CALD1: variants seen among roughly 807,000 people sequenced by gnomAD.
CALD1 encodes the protein caldesmon 1, also known as caldesmon.
CALD1 carries 33 observed loss-of-function variants against 99.9 expected under a neutral mutation model. The ratio of observed to expected loss-of-function variants is 0.33; its 90% confidence interval spans 0.25 to 0.44. The LOEUF is 0.44. Ranked by LOEUF, CALD1 falls within the 20% of genes least tolerant of loss-of-function variation. The pLI, the probability that CALD1 is intolerant of heterozygous loss-of-function variation, is 1.00. For synonymous variants in CALD1, 310 were observed against 325.0 expected, an observed-to-expected ratio of 0.95 and a Z score of 0.50; for missense variants, 861 against 962.1, an observed-to-expected ratio of 0.89 and a Z score of 1.39.
chr7:134,854,037 T>C (rs1220222621), intron 2 of CALD1, among the ~76,000 whole-genome samples: 3 of 152,208 alleles, frequency 2.0e-5, no homozygotes, highest in Non-Finnish European at 2.9e-5. Flanking sequence ...GCAGAGGACA[T>C]GAACTCATCC....
intron 11 of CALD1, among the ~76,000 whole-genome samples, chr7:134,958,872 A>AAT (rs58837080): frequency 0.031 from 3,812 of 124,324 alleles, 60 homozygotes; most frequent in African/African-American, 0.041. Flanking sequence ...CTGGTATTTA[A>AAT]ATATATATAT....
chr7:134,742,698 T>C (rs1435689463), upstream of CALD1, among the ~76,000 whole-genome samples: 1 of 152,240 alleles, frequency 6.6e-6, no homozygotes, highest in Non-Finnish European at 1.5e-5. Flanking sequence ...TCTGCCCTTC[T>C]TACCAGTATC....
chr7:134,955,521 T>G (rs1262519877), intron 9 of CALD1, among the ~76,000 whole-genome samples: 1 of 152,224 alleles, frequency 6.6e-6, no homozygotes. Flanking sequence ...AAAATCAAGG[T>G]GCAAGCAGAT....
At chr7:134,711,658 CTCTA>C in the CALD1 span, among the ~76,000 whole-genome samples, 13 of 66,948 alleles carry the variant, frequency 1.9e-4, no homozygotes, top group South Asian at 5.4e-4. Context: ...CTCTCTCTCT[CTCTA>C]TATATATATA....
intron 3 of CALD1, among the ~76,000 whole-genome samples, chr7:134,883,914 C>T (rs1801724919): frequency 6.6e-6 from 1 of 152,138 alleles, no homozygotes; most frequent in South Asian, 2.1e-4. Context: ...TTGAGACCAG[C>T]CTGACCAACA....
the CALD1 span, among the ~76,000 whole-genome samples, chr7:134,725,747 A>T: frequency 6.6e-6 from 1 of 152,250 alleles, no homozygotes; most frequent in Admixed American, 6.5e-5. Flanking sequence ...TCTTGACATG[A>T]GAATAACATC....
chr7:134,931,674 T>A (rs934743620), intron 4 of CALD1, among the ~76,000 whole-genome samples: 10 of 152,228 alleles, frequency 6.6e-5, no homozygotes, highest in Admixed American at 2.0e-4. Flanking sequence ...ACTGGTTGTT[T>A]CCTGCAAATA....
chr7:134,874,083 T>G (rs1801232020), intron 3 of CALD1, among the ~76,000 whole-genome samples: 1 of 152,224 alleles, frequency 6.6e-6, no homozygotes, highest in South Asian at 2.1e-4. Flanking sequence ...AAGGACTGTG[T>G]TGTCTCAGCT....
chr7:134,844,942 G>A (rs909013598), intron 2 of CALD1, among the ~76,000 whole-genome samples: 5 of 152,096 alleles, frequency 3.3e-5, no homozygotes, highest in African/African-American at 7.2e-5. Context: ...CTCCAAATGC[G>A]GTTACATTCT....
intron 8 of CALD1, 161 bp downstream of exon 8, chr7:134,947,930 C>G (rs542055837): frequency 3.6e-6 from 3 of 832,002 alleles, no homozygotes; most frequent in Admixed American, 5.8e-5. Flanking sequence ...ATTAATTTGT[C>G]CACTGCTTCT....
chr7:134,803,099 G>A (rs1436403151), intron 1 of CALD1, among the ~76,000 whole-genome samples: 1 of 152,062 alleles, frequency 6.6e-6, no homozygotes, highest in African/African-American at 2.4e-5. Flanking sequence ...TTGTTTAGTG[G>A]TATCTCATTG....
chr7:134,735,470 AGT>A, the CALD1 span, among the ~76,000 whole-genome samples: 2 of 151,976 alleles, frequency 1.3e-5, no homozygotes, highest in African/African-American at 4.8e-5. Flanking sequence ...CAATCTGGTG[AGT>A]GTGTGTGTAT....
chr7:134,859,820 A>C (rs551115010), intron 2 of CALD1, among the ~76,000 whole-genome samples: 1 of 152,336 alleles, frequency 6.6e-6, no homozygotes, highest in Admixed American at 6.5e-5. Flanking sequence ...TGTCTTCCTA[A>C]GTGTTGAAGT....
At chr7:134,784,397 C>G (rs1797227336) in intron 1 of CALD1, among the ~76,000 whole-genome samples, 3 of 152,162 alleles carry the variant, frequency 2.0e-5, no homozygotes, top group Non-Finnish European at 4.4e-5. Flanking sequence ...GGCAAAGTGC[C>G]CAAGAGGGCC....
upstream of CALD1, among the ~76,000 whole-genome samples, chr7:134,777,808 C>A (rs747773609): frequency 7.9e-5 from 12 of 152,204 alleles, no homozygotes; most frequent in Admixed American, 1.3e-4. Flanking sequence ...TCAAGCCCAG[C>A]AGTTTACCAG....
intron 1 of CALD1, among the ~76,000 whole-genome samples, chr7:134,824,853 A>G (rs1178834200): frequency 6.6e-6 from 1 of 152,174 alleles, no homozygotes; most frequent in Non-Finnish European, 1.5e-5. Context: ...CTGTTAAAGA[A>G]TATTAGAACT....
chr7:134,888,709 C>T (rs1801997883), intron 3 of CALD1, among the ~76,000 whole-genome samples: 1 of 152,340 alleles, frequency 6.6e-6, no homozygotes, highest in African/African-American at 2.4e-5. Context: ...TGTCAGTACC[C>T]TACCAGGTAG....
chr7:134,750,761 T>TC (rs1397020086), intron 1 of CALD1, among the ~76,000 whole-genome samples: 2 of 151,908 alleles, frequency 1.3e-5, no homozygotes, highest in African/African-American at 2.4e-5. Context: ...ATATTGTTTT[T>TC]TTTTCATCTG....
At chr7:134,795,161 A>G (rs1482894572) in intron 1 of CALD1, among the ~76,000 whole-genome samples, 1 of 152,004 alleles carries the variant, frequency 6.6e-6, no homozygotes, top group East Asian at 1.9e-4. Context: ...AATACTCTAA[A>G]AATTAAAGAA....
Sources: allele counts gnomAD v4.1 joint callset (sites outside exome capture counted in the v4.1 genomes callset), GRCh38; gene constraint gnomAD v4.1.1; transcripts MANE v1.5; gene names NCBI Gene and HGNC (gene_info 2026-07-23, HGNC 2026-07-21).